Variants in PLA2R1 observed in about 807,000 individuals in gnomAD.
The protein encoded by PLA2R1 is phospholipase A2 receptor 1.
A neutral mutation model predicts 195.9 loss-of-function variants in PLA2R1; 158 were observed. The observed-to-expected ratio is 0.81, with a 90% CI of 0.71 to 0.92. PLA2R1 has a LOEUF of 0.92. Ranked by LOEUF, PLA2R1 falls within the 40% of genes least tolerant of loss-of-function variation. The pLI, the probability that PLA2R1 is intolerant of heterozygous loss-of-function variation, is 0.00. For missense variants in PLA2R1, 1,626 were observed against 1,764.6 expected (o/e 0.92, Z 1.41); for synonymous variants, 586 against 598.2 (o/e 0.98, Z 0.30).
At chr2:159,926,569 G>A in the PLA2R1 span, among the ~76,000 whole-genome samples, 1 of 152,104 alleles carries the variant, frequency 6.6e-6, no homozygotes, top group African/African-American at 2.4e-5. Flanking sequence ...AAAGTTGGGG[G>A]AAAAAAGATG....
At position 159,936,794 on chromosome 2, in the gene PLA2R1, T is replaced by C. The variant is rs1388127900; in HGVS notation, c.*4984A>G. On this transcript the variant is annotated 3_prime_UTR_variant, in exon 30 of 30. Transcript: ENST00000283243. ...TAGGACACAGCCTGGATCTGTGAGT[T>C]ACTGCTTGGAGGCAAGTGTCCTGAC... 23 of 152,212 alleles carry C rather than the reference T, an allele frequency of 1.5e-4. No individual in the cohort carries two copies. Among genetic ancestry groups the C allele is most frequent in the Admixed American group, 1.5e-3 (23 of 15,280 alleles). The allele number at this position is 152,212 out of a possible 1,614,324, so 9.4% of individuals were successfully genotyped here.
At chr2:159,977,165 A>T in intron 15 of PLA2R1, 119 bp downstream of exon 15, 1 of 733,782 alleles carries the variant, frequency 1.4e-6, no homozygotes, top group Non-Finnish European at 2.2e-6. Context: ...TTGCTAAAGT[A>T]GTGTAATTTA....
chr2:160,042,396 T>A lies in PLA2R1; in HGVS notation c.494-198A>T, dbSNP rs189643665. 1.2e-4 allele frequency among the ~76,000 whole-genome samples: 18 copies of A among 152,342 alleles called. No individual in the cohort carries two copies. The East Asian group carries it at 3.5e-3, about 29-fold the overall frequency. The stretch of plus-strand genomic sequence containing the variant: ...TGAGTGCTGGGCTCAGAGGAAGTGC[T>A]GATACATGGTTTGCTTATGCATTTA... On this transcript the variant is annotated intron_variant, in intron 2 of 29. Transcript: ENST00000283243.
At chr2:159,997,747 T>C (rs1463808122) in intron 11 of PLA2R1, among the ~76,000 whole-genome samples, 2 of 152,232 alleles carry the variant, frequency 1.3e-5, no homozygotes, top group East Asian at 3.9e-4. Flanking sequence ...CAGGAAGCTG[T>C]GATTCTCTGT....
At position 159,944,406 on chromosome 2, in the gene PLA2R1, GT is replaced by G. The variant is rs576881198; in HGVS notation, c.4144+499del. Among the ~76,000 whole-genome samples the G allele has an allele frequency of 4.3e-3, 648 of 151,916 alleles. 5 individuals carry two copies. Among genetic ancestry groups the G allele is most frequent in the African/African-American group, 0.014 (598 of 41,428 alleles). On this transcript the variant is annotated intron_variant, in intron 28 of 29. Coordinates refer to ENST00000283243, the MANE Select transcript of PLA2R1 (RefSeq NM_007366.5). ...TCTAGCTTAGATTTCTAAAATTATT[GT>G]TTTTTTTAATTACTAAACACTAAGT...
At chr2:159,980,291 A>G (rs1169869824) in intron 13 of PLA2R1, among the ~76,000 whole-genome samples, 1 of 152,150 alleles carries the variant, frequency 6.6e-6, no homozygotes, top group Non-Finnish European at 1.5e-5. Context: ...TGAGAACATG[A>G]GTTTCTCATC....
At chr2:160,005,858 T>C (rs1691948098) in intron 10 of PLA2R1, 37 bp from the exon 11 acceptor site, 1 of 1,450,584 alleles carries the variant, frequency 6.9e-7, no homozygotes, top group African/African-American at 1.4e-5. Flanking sequence ...ACATTAAGTT[T>C]CTGGGCAATA....
In PLA2R1 at chr2:160,024,299, G is replaced by A. The variant is rs370694960; in HGVS notation, c.1100-1440C>T. 2.0e-5 allele frequency among the ~76,000 whole-genome samples: 3 copies of A among 152,302 alleles called. No homozygotes were observed. In the East Asian group the frequency reaches 5.8e-4, roughly 29 times the overall value. On this transcript the variant is annotated intron_variant, in intron 6 of 29. Transcript: ENST00000283243. ...CCCACCATCCCCATGCCAAGCTGCT[G>A]TGGGGCTCTCACTCTACCTGGTGTG...
Position 159,939,049 on chromosome 2 carries a change from T to C in PLA2R1, c.*2729A>G, listed in dbSNP as rs1348763102. On this transcript the variant is annotated 3_prime_UTR_variant, in exon 30 of 30. Coordinates refer to ENST00000283243, the MANE Select transcript of PLA2R1 (RefSeq NM_007366.5). ...ATGTGTGAATTTGTGATCCTGCCGC[T>C]TTTTTGGCATAAATGTAAGGAGTAC... 1 of 152,190 alleles carries C rather than the reference T, an allele frequency of 6.6e-6. No individual in the cohort carries two copies. Among genetic ancestry groups the C allele is most frequent in the Non-Finnish European group, 1.5e-5 (1 of 68,030 alleles). The allele number at this position is 152,190 out of a possible 1,614,324, so 9.4% of individuals were successfully genotyped here.
At chr2:160,050,519 T>A (rs1023267991) in intron 1 of PLA2R1, among the ~76,000 whole-genome samples, 4 of 152,228 alleles carry the variant, frequency 2.6e-5, no homozygotes, top group African/African-American at 9.7e-5. Flanking sequence ...GTAGCTTTAT[T>A]TACATGCATT....
intron 1 of PLA2R1, among the ~76,000 whole-genome samples, chr2:160,052,123 T>C (rs557563981): frequency 9.3e-4 from 141 of 152,340 alleles, no homozygotes; most frequent in South Asian, 1.7e-3. Context: ...CTAAATCTTT[T>C]TACATGTTCT....
rs371803135 is a variant in PLA2R1 at position 159,941,942 on chromosome 2, T to A, written c.4228A>T (p.Ile1410Phe). Reference protein sequence around the residue: ...PLAVVLTLIVIVAICTLSFCI... With the variant: ...PLAVVLTLIVFVAICTLSFCI... Reference sequence around the variant, plus strand: ...AAGGAAAGTGTGCAAATGGCCACAATGACTATCAGTGTCAGTACAACCGCA... The same window carrying A: ...AAGGAAAGTGTGCAAATGGCCACAAAGACTATCAGTGTCAGTACAACCGCA... Residue 1410 changes from isoleucine to phenylalanine, a missense_variant, in exon 30 of 30, where the codon ATT (isoleucine) becomes TTT (phenylalanine). Ile to Phe is a conservative substitution (Grantham distance 21). Coordinates refer to ENST00000283243, the MANE Select transcript of PLA2R1 (RefSeq NM_007366.5). The A allele has an allele frequency of 6.2e-7, 1 of 1,613,990 alleles. No individual in the cohort carries two copies. The highest frequency in any genetic ancestry group is 8.5e-7 in the Non-Finnish European group (1 of 1,179,896).
rs3792172 is a variant in PLA2R1, at chr2:160,004,795, C to T, written c.1834+857G>A. Among the ~76,000 whole-genome samples the T allele has an allele frequency of 3.9e-5, 6 of 152,178 alleles. No individual in the cohort carries two copies. The East Asian group carries it at 7.7e-4, about 20-fold the overall frequency. On this transcript the variant is annotated intron_variant, in intron 11 of 29. Transcript: ENST00000283243. Reference sequence around the variant, plus strand: ...AGACTGGTTCTAGTGTAGGCTGTGGCGGAAGACATCAGCTTCTCTGGTACT... The same window carrying T: ...AGACTGGTTCTAGTGTAGGCTGTGGTGGAAGACATCAGCTTCTCTGGTACT...
At chr2:160,013,713 C>G (rs2667018) in intron 9 of PLA2R1, among the ~76,000 whole-genome samples, 57,791 of 97,694 alleles carry the variant, frequency 0.59, 15,447 homozygotes, top group East Asian at 0.72. Context: ...GTCTCTCTCT[C>G]TCTCTCTCTG....
intron 11 of PLA2R1, among the ~76,000 whole-genome samples, chr2:159,994,082 A>G (rs538142304): frequency 4.6e-5 from 7 of 152,096 alleles, no homozygotes; most frequent in African/African-American, 1.2e-4. Flanking sequence ...CAAAAAGAGA[A>G]AAAAAAATGG....
At chr2:160,049,072 A>G (rs1026511813) in intron 1 of PLA2R1, among the ~76,000 whole-genome samples, 1 of 151,750 alleles carries the variant, frequency 6.6e-6, no homozygotes, top group East Asian at 1.9e-4. Context: ...CGATCTCCTG[A>G]CCTCGTGATC....
At chr2:160,031,426 T>C (rs1693841394) in intron 4 of PLA2R1, among the ~76,000 whole-genome samples, 1 of 152,224 alleles carries the variant, frequency 6.6e-6, no homozygotes, top group Admixed American at 6.5e-5. Context: ...GTAAATAAAA[T>C]AACCAGATTA....
At chr2:160,037,814 C>T (rs1694256361) in intron 3 of PLA2R1, among the ~76,000 whole-genome samples, 1 of 152,134 alleles carries the variant, frequency 6.6e-6, no homozygotes, top group South Asian at 2.1e-4. Context: ...TCCATGACTC[C>T]CAATTTTAAC....
At chr2:159,959,385 T>G (rs1240996563) in intron 20 of PLA2R1, among the ~76,000 whole-genome samples, 3 of 152,180 alleles carry the variant, frequency 2.0e-5, no homozygotes, top group African/African-American at 7.2e-5. Flanking sequence ...TGGCCTGCAA[T>G]TACCACGACT....
Sources: gnomAD v4.1 joint callset for allele counts (sites outside exome capture counted in the v4.1 genomes callset) on GRCh38, gnomAD v4.1.1 for gene constraint, MANE v1.5 for transcripts, NCBI Gene and HGNC (gene_info 2026-07-23, HGNC 2026-07-21) for gene names.